ZNF469: variants seen among roughly 807,000 people sequenced by gnomAD.
ZNF469 encodes the protein zinc finger protein 469.
ZNF469 carries 1 observed loss-of-function variant against 1.0 expected under a neutral mutation model. The observed-to-expected ratio is 1.00, with a 90% CI of 0.35 to 4.73. The LOEUF is 4.73. Ranked by LOEUF, ZNF469 falls within the 30% of genes most tolerant of loss-of-function variation. The pLI is 0.16. For synonymous variants in ZNF469, 2,703 were observed against 2,363.4 expected, an observed-to-expected ratio of 1.14 and a Z score of -4.17; for missense variants, 6,100 against 5,356.3, an observed-to-expected ratio of 1.14 and a Z score of -4.33.
the ZNF469 span, among the ~76,000 whole-genome samples, chr16:88,167,176 C>T: frequency 6.6e-6 from 1 of 151,516 alleles, no homozygotes; most frequent in Non-Finnish European, 1.5e-5. Context: ...ATTCTCCTGC[C>T]TCAGCCTCCC....
At chr16:88,116,117 C>T in the ZNF469 span, among the ~76,000 whole-genome samples, 1 of 152,186 alleles carries the variant, frequency 6.6e-6, no homozygotes, top group African/African-American at 2.4e-5. Flanking sequence ...GTATAGAGAA[C>T]TCTCAAAACT....
chr16:88,305,000 G>A, the ZNF469 span, among the ~76,000 whole-genome samples: 1 of 152,236 alleles, frequency 6.6e-6, no homozygotes, highest in East Asian at 1.9e-4. Context: ...GCCACTGGAT[G>A]ATTTAGGAGC....
rs943039704 is a variant in ZNF469, at chr16:88,438,690, C to T, written c.11220C>T (p.Pro3740=). The stretch of plus-strand genomic sequence containing the variant: ...CCCAGGGCAGTGGAAGCCCTCGCCC[C>T]GGCACCAAGACAGGAGGTGGCAGCC... ...PSSQGSGSPR[P]GTKTGGGSQP... Residue 3740 remains proline, a synonymous_variant, in exon 3 of 3, where the codon CCC becomes CCT. Transcript: ENST00000565624. The T allele has an allele frequency of 2.5e-5, 38 of 1,550,020 alleles. No individual in the cohort carries two copies. The highest frequency in any genetic ancestry group is 5.5e-5 in the African/African-American group (4 of 73,130).
chr16:88,422,084 A>C (rs1905477897), intron 1 of ZNF469, among the ~76,000 whole-genome samples: 1 of 146,614 alleles, frequency 6.8e-6, no homozygotes, highest in Non-Finnish European at 1.5e-5. Flanking sequence ...CGGGTGGCTG[A>C]CTGGGTGGAT....
At chr16:88,196,469 A>G in the ZNF469 span, among the ~76,000 whole-genome samples, 1 of 152,200 alleles carries the variant, frequency 6.6e-6, no homozygotes, top group African/African-American at 2.4e-5. Context: ...GACATGTCCA[A>G]CGTTCAGAAT....
chr16:88,231,053 G>A, the ZNF469 span, among the ~76,000 whole-genome samples: 98 of 152,244 alleles, frequency 6.4e-4, no homozygotes, highest in Non-Finnish European at 1.1e-3. This position sits in a 1 kb window ranked among gnomAD's most constrained non-coding sequence, Gnocchi z 4.5. Context: ...CCAGCCGCAC[G>A]TGCCCTCCCC....
chr16:88,300,406 T>C, the ZNF469 span, among the ~76,000 whole-genome samples: 1 of 152,158 alleles, frequency 6.6e-6, no homozygotes, highest in Non-Finnish European at 1.5e-5. Context: ...GGATATTCGA[T>C]ATCTTTTCTT....
At chr16:88,101,867 A>G in the ZNF469 span, among the ~76,000 whole-genome samples, 2 of 152,278 alleles carry the variant, frequency 1.3e-5, no homozygotes, top group East Asian at 3.9e-4. Context: ...AGGTTCCTCC[A>G]TGACGTGTAG....
At chr16:88,321,193 G>T in the ZNF469 span, among the ~76,000 whole-genome samples, 1 of 152,226 alleles carries the variant, frequency 6.6e-6, no homozygotes, top group African/African-American at 2.4e-5. Flanking sequence ...GTCCTGGGGT[G>T]CCCCCCACCT....
Position 88,430,057 on chromosome 16 carries a change from A to T in ZNF469, c.2587A>T (p.Ser863Cys), listed in dbSNP as rs764106193. The T allele has an allele frequency of 4.5e-5, 70 of 1,550,272 alleles. No individual in the cohort carries two copies. The highest frequency in any genetic ancestry group is 5.7e-5 in the Non-Finnish European group (65 of 1,146,980). The change falls in exon 3 of 3, where the codon AGC (serine) becomes TGC (cysteine). Residue 863 changes from serine to cysteine, a missense_variant. Coordinates refer to ENST00000565624, the MANE Select transcript of ZNF469 (RefSeq NM_001367624.2). ...YQSDNPEIDS[S>C]FIDVFADEEP... The stretch of plus-strand genomic sequence containing the variant: ...GTCGGACAACCCGGAGATCGACAGC[A>T]GCTTCATCGACGTCTTCGCGGACGA...
At chr16:88,372,320 T>C in the ZNF469 span, among the ~76,000 whole-genome samples, 2 of 39,108 alleles carry the variant, frequency 5.1e-5, no homozygotes, top group Non-Finnish European at 1.0e-4. Flanking sequence ...ACCACCATCA[T>C]CACCATCACC....
At chr16:88,252,343 C>T in the ZNF469 span, among the ~76,000 whole-genome samples, 1 of 150,940 alleles carries the variant, frequency 6.6e-6, no homozygotes, top group Non-Finnish European at 1.5e-5. Flanking sequence ...TATGTATATA[C>T]TCCACACCCA....
the ZNF469 span, among the ~76,000 whole-genome samples, chr16:88,137,757 G>A: frequency 0.13 from 20,475 of 152,248 alleles, 1,690 homozygotes; most frequent in East Asian, 0.27. Context: ...GTAGTCTTTA[G>A]AGGAAGAGCT....
At position 88,429,338 on chromosome 16, in the gene ZNF469, G is replaced by A; in HGVS notation, c.1868G>A (p.Ser623Asn). ...SSPANPSSEESQLPGPLGPSA... is the reference protein window; with the variant it reads ...SSPANPSSEENQLPGPLGPSA... ...CCAGCCAACCCCAGCTCAGAGGAAA[G>A]CCAGCTCCCCGGCCCCCTCGGGCCC... Residue 623 changes from serine to asparagine, a missense_variant, in exon 3 of 3, where the codon AGC (serine) becomes AAC (asparagine). Physicochemically the swap from Ser to Asn is conservative, Grantham distance 46. Coordinates refer to ENST00000565624, the MANE Select transcript of ZNF469 (RefSeq NM_001367624.2). 6.5e-7 allele frequency: 1 copy of A among 1,549,936 alleles called. No homozygotes were observed. The highest frequency in any genetic ancestry group is 2.4e-5 in the East Asian group (1 of 40,908).
At chr16:88,110,826 G>A in the ZNF469 span, among the ~76,000 whole-genome samples, 1 of 152,266 alleles carries the variant, frequency 6.6e-6, no homozygotes, top group Admixed American at 6.5e-5. Context: ...GGGGCCCAGG[G>A]CAGCAGGTGC....
the ZNF469 span, among the ~76,000 whole-genome samples, chr16:88,309,355 CG>C: frequency 1.3e-5 from 2 of 151,792 alleles, no homozygotes; most frequent in Admixed American, 1.3e-4. Context: ...GGACACCTGA[CG>C]GGGGGAGTGC....
the ZNF469 span, among the ~76,000 whole-genome samples, chr16:88,219,044 A>C: frequency 6.7e-6 from 1 of 149,260 alleles, no homozygotes; most frequent in East Asian, 1.9e-4. Context: ...TAAAATACCT[A>C]GGAATCCAAC....
chr16:88,154,566 C>T, the ZNF469 span, among the ~76,000 whole-genome samples: 17 of 152,226 alleles, frequency 1.1e-4, no homozygotes, highest in South Asian at 4.1e-4. Flanking sequence ...ATTGAAGCCT[C>T]GCTGGCCTCC....
At chr16:88,107,331 CGAA>C in the ZNF469 span, among the ~76,000 whole-genome samples, 1 of 152,128 alleles carries the variant, frequency 6.6e-6, no homozygotes, top group East Asian at 1.9e-4. Context: ...TGGCGGAAGG[CGAA>C]GAAGAAGCAA....
Sources: gnomAD v4.1 joint callset for allele counts (sites outside exome capture counted in the v4.1 genomes callset) on GRCh38, gnomAD v4.1.1 for gene constraint, Gnocchi (gnomAD v3.1) non-coding constraint, MANE v1.5 for transcripts, NCBI Gene and HGNC (gene_info 2026-07-23, HGNC 2026-07-21) for gene names.